Variants in ARAP2 observed in about 807,000 individuals in gnomAD.
ARAP2 encodes the protein ArfGAP with RhoGAP domain, ankyrin repeat and PH domain 2.
Under a neutral mutation model 194.5 loss-of-function variants are expected in ARAP2, and 148 were observed. That is an observed-to-expected ratio of 0.76 (90% CI 0.67 to 0.87). ARAP2 has a LOEUF of 0.87. Ranked by LOEUF, ARAP2 falls within the 40% of genes least tolerant of loss-of-function variation. The pLI, the probability that ARAP2 is intolerant of heterozygous loss-of-function variation, is 0.00. For missense variants in ARAP2, 2,128 were observed against 1,989.7 expected (o/e 1.07, Z -1.32); for synonymous variants, 695 against 683.5 (o/e 1.02, Z -0.26).
chr4:36,209,392 TG>T, intron 6 of ARAP2: 1 of 454,000 alleles, frequency 2.2e-6, no homozygotes, highest in Non-Finnish European at 4.4e-6. Flanking sequence ...TAATCTGCTT[TG>T]GTTTATTCAA....
At chr4:36,227,593 G>A (rs952682438) in intron 2 of ARAP2, among the ~76,000 whole-genome samples, 27 of 151,994 alleles carry the variant, frequency 1.8e-4, no homozygotes, top group Non-Finnish European at 3.4e-4. Flanking sequence ...AATCAGTAGC[G>A]GCCACAGATT....
At chr4:36,127,676 T>C (rs1352286386) in intron 21 of ARAP2, among the ~76,000 whole-genome samples, 1 of 151,928 alleles carries the variant, frequency 6.6e-6, no homozygotes, top group Non-Finnish European at 1.5e-5. Context: ...TATGGAATAA[T>C]TCAAAAGTAA....
intron 9 of ARAP2, chr4:36,007,079 A>G (rs1016278298): frequency 6.6e-6 from 1 of 152,172 alleles, no homozygotes; most frequent in Non-Finnish European, 1.5e-5. Context: ...AGAGTTACAT[A>G]AAACTAAAAT....
At chr4:36,071,428 C>T (rs954355714) in intron 32 of ARAP2, among the ~76,000 whole-genome samples, 3 of 152,090 alleles carry the variant, frequency 2.0e-5, no homozygotes, top group Admixed American at 1.3e-4. Context: ...GTGATTTCCT[C>T]GGCCAACAAC....
At chr4:36,026,362 G>A (rs1375923465) in intron 5 of ARAP2, among the ~76,000 whole-genome samples, 1 of 152,184 alleles carries the variant, frequency 6.6e-6, no homozygotes, top group Non-Finnish European at 1.5e-5. Context: ...CTATTGGCAG[G>A]GATGTCAGAC....
intron 31 of ARAP2, among the ~76,000 whole-genome samples, chr4:36,074,876 C>A (rs1727875687): frequency 6.6e-6 from 1 of 151,418 alleles, no homozygotes; most frequent in Admixed American, 6.6e-5. Flanking sequence ...GGGCAAACTG[C>A]CAAGCTGTAT....
At chr4:36,079,266 T>A (rs1191131775) in intron 31 of ARAP2, among the ~76,000 whole-genome samples, 1 of 151,514 alleles carries the variant, frequency 6.6e-6, no homozygotes. Flanking sequence ...GCAGCCAGTC[T>A]CTTGTGCACA....
intron 3 of ARAP2, chr4:36,047,373 A>T (rs1019086646): frequency 1.3e-5 from 2 of 152,200 alleles, no homozygotes; most frequent in Non-Finnish European, 1.5e-5. Flanking sequence ...GTCTAAACTC[A>T]TTCTAGTGGC....
At chr4:36,064,005 G>A (rs553584190), downstream of ARAP2, among the ~76,000 whole-genome samples, 4 of 152,108 alleles carry the variant, frequency 2.6e-5, no homozygotes, top group South Asian at 6.2e-4. Flanking sequence ...ATATAGTTAC[G>A]TTCATAAGTC....
intron 5 of ARAP2, among the ~76,000 whole-genome samples, chr4:36,023,483 G>A (rs1048856717): frequency 7.2e-5 from 11 of 152,002 alleles, no homozygotes; most frequent in African/African-American, 1.5e-4. Context: ...GGGAACATCC[G>A]TAGGAAAGGC....
intron 27 of ARAP2, among the ~76,000 whole-genome samples, chr4:36,096,844 T>G (rs909063133): frequency 4.6e-5 from 7 of 152,142 alleles, no homozygotes; most frequent in African/African-American, 1.7e-4. Flanking sequence ...TTGTTAAACA[T>G]TGTATGGACT....
intron 1 of ARAP2, among the ~76,000 whole-genome samples, chr4:36,060,300 T>C (rs941978759): frequency 6.6e-6 from 1 of 152,204 alleles, no homozygotes; most frequent in African/African-American, 2.4e-5. Flanking sequence ...GGCCTTGATA[T>C]GAGAACTCGA....
rs73806498 is a variant in ARAP2, at chr4:36,129,491, T to A, written c.3428-746A>T. 5.3e-3 allele frequency among the ~76,000 whole-genome samples: 806 copies of A among 152,076 alleles called. 11 individuals carry two copies. The highest frequency in any genetic ancestry group is 0.018 in the African/African-American group (760 of 41,554). On this transcript the variant is annotated intron_variant, in intron 20 of 32. Transcript: ENST00000303965. ...ATAATATTAACAATGTTCTTTTTTT[T>A]CTAGATGCTTTTCGGTTTTTATCTA...
intron 6 of ARAP2, among the ~76,000 whole-genome samples, chr4:36,204,817 C>T (rs982026467): frequency 6.6e-6 from 1 of 151,350 alleles, no homozygotes; most frequent in Non-Finnish European, 1.5e-5. Flanking sequence ...GGTGAAACCC[C>T]GTCTCTACTA....
chr4:36,211,956 T>C (rs554040766), intron 5 of ARAP2, among the ~76,000 whole-genome samples: 146 of 152,210 alleles, frequency 9.6e-4, no homozygotes, highest in Non-Finnish European at 1.7e-3. Context: ...TAACTCTGTA[T>C]GTGATCCAAA....
At chr4:36,042,918 T>C (rs573491665) in intron 5 of ARAP2, among the ~76,000 whole-genome samples, 9 of 152,010 alleles carry the variant, frequency 5.9e-5, no homozygotes, top group East Asian at 1.9e-4. Context: ...TCTTGGCTCA[T>C]TGCAACCTCT....
intron 15 of ARAP2, among the ~76,000 whole-genome samples, chr4:36,152,374 T>C (rs1731198019): frequency 6.6e-6 from 1 of 152,212 alleles, no homozygotes; most frequent in African/African-American, 2.4e-5. Flanking sequence ...ACACTCATTG[T>C]GAGTTTCTAA....
chr4:36,022,876 A>G (rs963990154), intron 5 of ARAP2, among the ~76,000 whole-genome samples: 1 of 152,178 alleles, frequency 6.6e-6, no homozygotes, highest in South Asian at 2.1e-4. Context: ...AGAACCTGTG[A>G]GTTCCCTATA....
chr4:36,167,792 A>G (rs1239448521), intron 9 of ARAP2, among the ~76,000 whole-genome samples: 2 of 152,198 alleles, frequency 1.3e-5, no homozygotes, highest in East Asian at 3.8e-4. Context: ...AAAATTGTTC[A>G]AAAGGCTACA....
Sources: allele counts gnomAD v4.1 joint callset (sites outside exome capture counted in the v4.1 genomes callset), GRCh38; gene constraint gnomAD v4.1.1; transcripts MANE v1.5; gene names NCBI Gene and HGNC (gene_info 2026-07-23, HGNC 2026-07-21).